Variants in GOPC observed in about 807,000 individuals in gnomAD.
GOPC encodes Golgi-associated PDZ and coiled-coil motif-containing protein.
Under a neutral mutation model 51.2 loss-of-function variants are expected in GOPC, and 32 were observed. The observed-to-expected ratio is 0.63, with a 90% CI of 0.47 to 0.84. GOPC has a LOEUF of 0.84. Ranked by LOEUF, GOPC falls within the 40% of genes least tolerant of loss-of-function variation. GOPC has a pLI of 0.00. For missense variants in GOPC, 441 were observed against 555.5 expected, an observed-to-expected ratio of 0.79 and a Z score of 2.07; for synonymous variants, 190 against 205.1, an observed-to-expected ratio of 0.93 and a Z score of 0.63.
chr6:117,571,983 A>G (rs1221078725), intron 5 of GOPC, among the ~76,000 whole-genome samples: 1 of 152,064 alleles, frequency 6.6e-6, no homozygotes, highest in Non-Finnish European at 1.5e-5. Flanking sequence ...TACTACATAT[A>G]TACTTTATAT....
At chr6:117,597,154 A>G (rs933732334) in intron 1 of GOPC, among the ~76,000 whole-genome samples, 1 of 152,192 alleles carries the variant, frequency 6.6e-6, no homozygotes, top group African/African-American at 2.4e-5. Context: ...AAGTCTTATA[A>G]AAGTGGCTGA....
In GOPC at chr6:117,560,674, A is replaced by G. The variant is rs1779567485; in HGVS notation, c.*2580T>C. On this transcript the variant is annotated 3_prime_UTR_variant, in exon 9 of 9. Transcript: ENST00000368498. ...TTATTTTAACAATAGTCTCACCACCAAAATGTTGCTTTTCCATCATATTCA... is the reference window on the plus strand; with the variant it reads ...TTATTTTAACAATAGTCTCACCACCGAAATGTTGCTTTTCCATCATATTCA... The G allele has an allele frequency of 5.1e-6, 1 of 196,934 alleles. No individual in the cohort carries two copies. Among genetic ancestry groups the G allele is most frequent in the Non-Finnish European group, 1.1e-5 (1 of 94,766 alleles). 12.2% of individuals were successfully genotyped at this position (196,934 alleles called of 1,614,324 possible).
intron 1 of GOPC, among the ~76,000 whole-genome samples, chr6:117,582,674 C>T (rs73516441): frequency 0.13 from 19,627 of 150,074 alleles, 1,737 homozygotes; most frequent in East Asian, 0.3. Flanking sequence ...ATCCCCTTTC[C>T]AGCTCCCCTC....
At chr6:117,572,156 C>T (rs1276965449) in intron 5 of GOPC, among the ~76,000 whole-genome samples, 1 of 152,160 alleles carries the variant, frequency 6.6e-6, no homozygotes, top group African/African-American at 2.4e-5. Flanking sequence ...TCAAACACTA[C>T]TTGTCTAAAA....
intron 8 of GOPC, 69 bp downstream of exon 8, chr6:117,566,785 G>A (rs1429522352): frequency 3.1e-6 from 3 of 970,774 alleles, no homozygotes; most frequent in African/African-American, 3.3e-5. Flanking sequence ...AAGAAATTCT[G>A]AGGCCTTCAC....
intron 1 of GOPC, among the ~76,000 whole-genome samples, chr6:117,601,216 C>T (rs974208025): frequency 6.6e-6 from 1 of 152,260 alleles, no homozygotes; most frequent in South Asian, 2.1e-4. Flanking sequence ...TTAATAATGT[C>T]CTTTTTAAAT....
chr6:117,588,346 G>A (rs1385376327), intron 1 of GOPC, among the ~76,000 whole-genome samples: 4 of 151,820 alleles, frequency 2.6e-5, no homozygotes, highest in African/African-American at 9.7e-5. Context: ...CATGATCTTG[G>A]CTCACTGCAA....
intron 2 of GOPC, among the ~76,000 whole-genome samples, chr6:117,578,521 A>G (rs111263592): frequency 6.6e-6 from 1 of 152,140 alleles, no homozygotes; most frequent in South Asian, 2.1e-4. Flanking sequence ...CTCAGATTTC[A>G]TTTCAGAGAA....
intron 1 of GOPC, among the ~76,000 whole-genome samples, chr6:117,585,724 C>T (rs1194754649): frequency 8.5e-5 from 13 of 152,148 alleles, no homozygotes; most frequent in Non-Finnish European, 5.9e-5. Flanking sequence ...TTTAACTAAA[C>T]AGCAGATTCT....
chr6:117,571,014 G>A, intron 5 of GOPC, 59 bp from the exon 6 acceptor site: 1 of 777,174 alleles, frequency 1.3e-6, no homozygotes, highest in Admixed American at 2.1e-5. Context: ...ACCAAATAGA[G>A]TAAACTCATA....
chr6:117,565,944 T>C (rs1239535995), intron 8 of GOPC, among the ~76,000 whole-genome samples: 1 of 152,182 alleles, frequency 6.6e-6, no homozygotes, highest in East Asian at 1.9e-4. Flanking sequence ...GCTTTATGCA[T>C]ACTTCCCATC....
chr6:117,592,095 G>A lies in GOPC; in HGVS notation c.285+9909C>T, dbSNP rs117378194. Among the ~76,000 whole-genome samples the A allele has an allele frequency of 1.1e-3, 167 of 152,312 alleles. 2 individuals are homozygous for A. The East Asian group carries it at 0.027, about 24-fold the overall frequency. Reference sequence around the variant, plus strand: ...AAAAAATTAGCACAAGGCTGGGCACGGTGGCTCACGCCTGTAATCCCAGCA... The same window carrying A: ...AAAAAATTAGCACAAGGCTGGGCACAGTGGCTCACGCCTGTAATCCCAGCA... On this transcript the variant is annotated intron_variant, in intron 1 of 8. Transcript: ENST00000368498.
intron 1 of GOPC, among the ~76,000 whole-genome samples, chr6:117,598,206 A>T (rs1410040520): frequency 7.9e-5 from 12 of 151,402 alleles, no homozygotes; most frequent in Non-Finnish European, 1.6e-4. Context: ...TAAAAAAAAA[A>T]AAAAATAAAA....
intron 1 of GOPC, among the ~76,000 whole-genome samples, chr6:117,597,365 G>A (rs1333290846): frequency 1.3e-5 from 2 of 152,118 alleles, no homozygotes; most frequent in Non-Finnish European, 2.9e-5. Flanking sequence ...TAACCATTTG[G>A]ATGTCCTTTA....
At chr6:117,581,512 C>A (rs1779959022) in intron 1 of GOPC, among the ~76,000 whole-genome samples, 1 of 149,856 alleles carries the variant, frequency 6.7e-6, no homozygotes, top group Non-Finnish European at 1.5e-5. Context: ...CTTCTTTTGA[C>A]CCGCTCCAAT....
intron 1 of GOPC, among the ~76,000 whole-genome samples, chr6:117,592,364 CA>C (rs911771377): frequency 4.0e-4 from 57 of 144,042 alleles, no homozygotes; most frequent in East Asian, 1.2e-3. Context: ...GAGACTCTGT[CA>C]AAAAAAAAAA....
At chr6:117,573,722 A>G (rs1301827598) in intron 4 of GOPC, 90 bp from the exon 5 acceptor site, 10 of 1,042,214 alleles carry the variant, frequency 9.6e-6, no homozygotes, top group Non-Finnish European at 1.1e-5. Context: ...TAGCTTTTGC[A>G]TGAATCTCAA....
intron 1 of GOPC, among the ~76,000 whole-genome samples, chr6:117,582,015 TGTCA>T (rs1779965740): frequency 6.6e-6 from 1 of 152,190 alleles, no homozygotes; most frequent in African/African-American, 2.4e-5. Flanking sequence ...CACTTGGCAT[TGTCA>T]GTATTTTTCA....
intron 1 of GOPC, among the ~76,000 whole-genome samples, chr6:117,582,781 A>C (rs1002611076): frequency 4.7e-5 from 7 of 149,642 alleles, no homozygotes; most frequent in African/African-American, 1.7e-4. Flanking sequence ...AATTTTATTG[A>C]GTGAATGAAA....
Sources: gnomAD v4.1 joint callset for allele counts (sites outside exome capture counted in the v4.1 genomes callset) on GRCh38, gnomAD v4.1.1 for gene constraint, MANE v1.5 for transcripts, NCBI Gene and HGNC (gene_info 2026-07-23, HGNC 2026-07-21) for gene names.